Variants in THRA observed in about 807,000 individuals in gnomAD.
THRA encodes the protein EAR-7.
A neutral mutation model predicts 45.0 loss-of-function variants in THRA; 13 were observed. The observed-to-expected ratio is 0.29, with a 90% CI of 0.19 to 0.46. The LOEUF is 0.46. Among genes scored for constraint, THRA ranks in the 20% least tolerant of loss-of-function variants. The pLI, the probability that THRA is intolerant of heterozygous loss-of-function variation, is 1.00. For synonymous variants in THRA, 195 were observed against 214.0 expected, an observed-to-expected ratio of 0.91 and a Z score of 0.78; for missense variants, 278 against 556.1, an observed-to-expected ratio of 0.50 and a Z score of 5.03.
At chr17:40,093,802 A>G (rs949944902), downstream of THRA, 35 of 922,358 alleles carry the variant, frequency 3.8e-5, 1 homozygote, top group Middle Eastern at 3.3e-4. The surrounding 1 kb of genome is among the most constrained non-coding windows in gnomAD (Gnocchi z 5.9). Context: ...TCATGTCTGT[A>G]TCCCCAGTGC....
In THRA at chr17:40,092,716, A is replaced by C; in HGVS notation, c.*3260A>C. On this transcript the variant is annotated 3_prime_UTR_variant, in exon 9 of 9. Transcript: ENST00000450525. Reference sequence around the variant, plus strand: ...AGTACCCACCCCACAAACTGACCAGATGGAGAGGTGGCCCCCCCCAGCCTT... The same window carrying C: ...AGTACCCACCCCACAAACTGACCAGCTGGAGAGGTGGCCCCCCCCAGCCTT... 3.1e-6 allele frequency: 1 copy of C among 325,530 alleles called. No homozygotes were observed. 20.2% of individuals were successfully genotyped at this position (325,530 alleles called of 1,614,324 possible).
intron 1 of THRA, among the ~76,000 whole-genome samples, chr17:40,067,906 G>A (rs1279777687): frequency 6.6e-6 from 1 of 152,174 alleles, no homozygotes; most frequent in East Asian, 1.9e-4. Context: ...TGTGTTACCA[G>A]CTACTTGGGA....
At chr17:40,062,710 A>T (rs984824673), upstream of THRA, 2 of 145,552 alleles carry the variant, frequency 1.4e-5, no homozygotes, top group African/African-American at 5.0e-5. Flanking sequence ...GGGGAGGGCG[A>T]GTCCGAGCGG....
At chr17:40,083,509 G>A (rs147742497) in intron 4 of THRA, among the ~76,000 whole-genome samples, 17 of 152,342 alleles carry the variant, frequency 1.1e-4, no homozygotes, top group East Asian at 1.9e-4. Context: ...CACCGCGCCC[G>A]GCGACTTGGA....
intron 1 of THRA, among the ~76,000 whole-genome samples, chr17:40,070,064 C>T (rs1274661572): frequency 6.6e-6 from 1 of 151,984 alleles, no homozygotes; most frequent in Non-Finnish European, 1.5e-5. Context: ...ACCAATCTCC[C>T]CCTTATGAGG....
intron 3 of THRA, among the ~76,000 whole-genome samples, chr17:40,077,234 C>T (rs1002426565): frequency 3.9e-5 from 6 of 152,190 alleles, no homozygotes; most frequent in Non-Finnish European, 5.9e-5. Flanking sequence ...CCCCAGTGAG[C>T]AGCTGACGTT....
intron 1 of THRA, among the ~76,000 whole-genome samples, chr17:40,064,081 T>C (rs925977948): frequency 6.6e-6 from 1 of 152,034 alleles, no homozygotes; most frequent in African/African-American, 2.4e-5. Flanking sequence ...GACAGCCACA[T>C]GCACATCCAG....
At chr17:40,075,587 G>C (rs1986923740) in intron 2 of THRA, among the ~76,000 whole-genome samples, 1 of 152,222 alleles carries the variant, frequency 6.6e-6, no homozygotes, top group African/African-American at 2.4e-5. Flanking sequence ...TGTGGGTCTG[G>C]AAGAGTCTGT....
Position 40,076,851 on chromosome 17 carries a change from C to T in THRA, c.54-20C>T. The T allele has an allele frequency of 1.9e-6, 3 of 1,613,590 alleles. No individual in the cohort carries two copies. The highest frequency in any genetic ancestry group is 2.5e-6 in the Non-Finnish European group (3 of 1,179,546). The stretch of plus-strand genomic sequence containing the variant: ...ACTCGAAGACTGCTCTGTGATTCTG[C>T]CCACTTTGCCTCCATCCAGTGCCAG... On this transcript the variant is annotated intron_variant, in intron 2 of 8. Coordinates refer to ENST00000450525, the MANE Select transcript of THRA (RefSeq NM_199334.5).
rs1987575390 is a variant in THRA, at chr17:40,091,976, G to C, written c.*2520G>C. 6.6e-6 allele frequency: 1 copy of C among 152,460 alleles called. No homozygotes were observed. Among genetic ancestry groups the C allele is most frequent in the Non-Finnish European group, 1.5e-5 (1 of 68,338 alleles). 9.4% of individuals were successfully genotyped at this position (152,460 alleles called of 1,614,324 possible). ...GCATGCCTCCCCCAGTATTGGCCCG[G>C]GGCACTAGGGCAGGCAGGGTGGAGC... On this transcript the variant is annotated 3_prime_UTR_variant, in exon 9 of 9. Transcript: ENST00000450525.
At chr17:40,074,645 G>A (rs1986888410) in intron 2 of THRA, 104 bp downstream of exon 2, 22 of 1,261,650 alleles carry the variant, frequency 1.7e-5, no homozygotes, top group Non-Finnish European at 2.4e-5. Flanking sequence ...CTGTGGGATG[G>A]ACGTGAGGCC....
At chr17:40,076,850 G>C in intron 2 of THRA, 21 bp from the exon 3 acceptor site, 1 of 1,613,542 alleles carries the variant, frequency 6.2e-7, no homozygotes, top group Non-Finnish European at 8.5e-7. Context: ...CTGTGATTCT[G>C]CCCACTTTGC....
chr17:40,069,447 TCTA>T (rs948825956), intron 1 of THRA, among the ~76,000 whole-genome samples: 1 of 151,822 alleles, frequency 6.6e-6, no homozygotes, highest in African/African-American at 2.4e-5. Context: ...GGCAACTTCT[TCTA>T]CTGCCTTAGA....
At chr17:40,081,726 G>T (rs182993127) in intron 4 of THRA, among the ~76,000 whole-genome samples, 2 of 152,196 alleles carry the variant, frequency 1.3e-5, no homozygotes, top group African/African-American at 4.8e-5. Flanking sequence ...CACTTTGGGA[G>T]GCCGAGGTGG....
At chr17:40,078,601 C>T (rs1290268901) in intron 4 of THRA, among the ~76,000 whole-genome samples, 2 of 152,174 alleles carry the variant, frequency 1.3e-5, no homozygotes, top group Admixed American at 6.5e-5. Flanking sequence ...GTACGTACCT[C>T]GCCTTCAAGC....
intron 3 of THRA, among the ~76,000 whole-genome samples, chr17:40,077,167 C>T (rs1020383554): frequency 5.9e-5 from 9 of 152,174 alleles, no homozygotes; most frequent in African/African-American, 1.9e-4. Flanking sequence ...CTAATACCCT[C>T]ATCTGAGGCC....
chr17:40,092,454 G>A lies in THRA; in HGVS notation c.*2998G>A, dbSNP rs1987611914. The stretch of plus-strand genomic sequence containing the variant: ...CCCAGGGAGGGGTGGGACCGGCAGG[G>A]GTGACTTGAGGGGCTCCTACTCCTG... On this transcript the variant is annotated 3_prime_UTR_variant, in exon 9 of 9. Coordinates refer to ENST00000450525, the MANE Select transcript of THRA (RefSeq NM_199334.5). The A allele has an allele frequency of 1.3e-5, 2 of 152,680 alleles. No homozygotes were observed. Among genetic ancestry groups the A allele is most frequent in the Non-Finnish European group, 2.9e-5 (2 of 68,498 alleles). The allele number at this position is 152,680 out of a possible 1,614,324, so 9.5% of individuals were successfully genotyped here. A position where few individuals can be genotyped will look rare whatever the true frequency, so the allele number is the denominator to read the frequency against.
At chr17:40,086,155 C>T (rs562571574) in intron 6 of THRA, among the ~76,000 whole-genome samples, 6 of 152,178 alleles carry the variant, frequency 3.9e-5, no homozygotes, top group East Asian at 1.9e-4. Flanking sequence ...GTTGGCTATA[C>T]GTGGTGAAGG....
rs753882253 is a variant in THRA, at chr17:40,088,497, A to G, written c.979A>G (p.Thr327Ala). Residue 327 changes from threonine (T) to alanine (A), a missense_variant, in exon 8 of 9, where the codon ACA becomes GCA. Physicochemically the swap from Thr to Ala is moderately conservative, Grantham distance 58. This residue lies in a region of THRA where 66 missense variants were observed against 94.7 expected (regional missense o/e 0.70). Coordinates refer to ENST00000450525, the MANE Select transcript of THRA (RefSeq NM_199334.5). ...ALLQAVLLMSTDRSGLLCVDK... is the reference protein window; with the variant it reads ...ALLQAVLLMSADRSGLLCVDK... ...GCTGCAGGCTGTGCTGCTAATGTCA[A>G]CAGGTACCTGCTGATTAGTCGGGAG... 1.2e-6 allele frequency: 2 copies of G among 1,611,194 alleles called. No homozygotes were observed. Among genetic ancestry groups the G allele is most frequent in the African/African-American group, 1.3e-5 (1 of 74,968 alleles).
Sources: allele counts gnomAD v4.1 joint callset (sites outside exome capture counted in the v4.1 genomes callset), GRCh38; gene constraint gnomAD v4.1.1; regional missense constraint gnomAD v4.1.1; non-coding constraint Gnocchi (gnomAD v3.1); transcripts MANE v1.5; gene names NCBI Gene and HGNC (gene_info 2026-07-23, HGNC 2026-07-21).